Variants in ADD3 observed in about 807,000 individuals in gnomAD.
ADD3 encodes the protein gamma-adducin.
In ADD3, 25 loss-of-function variants were observed where a neutral mutation model predicts 80.2. The ratio of observed to expected loss-of-function variants is 0.31; its 90% CI spans 0.23 to 0.44. The LOEUF is 0.44. Among genes scored for constraint, ADD3 ranks in the 20% least tolerant of loss-of-function variants. The pLI is 1.00. For synonymous variants in ADD3, 284 were observed against 289.6 expected (o/e 0.98, Z 0.20); for missense variants, 829 against 847.5 (o/e 0.98, Z 0.27).
intron 1 of ADD3, among the ~76,000 whole-genome samples, chr10:110,023,018 T>C (rs1363095358): frequency 1.3e-5 from 2 of 152,188 alleles, no homozygotes; most frequent in African/African-American, 4.8e-5. Context: ...GGCACCTCTT[T>C]CAGTTGAGAA....
Position 110,117,376 on chromosome 10 carries a change from T to C in ADD3, c.521T>C (p.Ile174Thr), listed in dbSNP as rs370426959. The C allele has an allele frequency of 1.2e-6, 2 of 1,606,512 alleles. No homozygotes were observed. Among genetic ancestry groups the C allele is most frequent in the African/African-American group, 2.7e-5 (2 of 74,758 alleles). ...AGTAAGGAGCAAGACCACATTATAA[T>C]AATTCCCAGAGGCCTATCTTTTTCT... ...RISKEQDHIIIIPRGLSFSEA... is the reference protein window; with the variant it reads ...RISKEQDHIITIPRGLSFSEA... Residue 174 changes from isoleucine (I) to threonine (T), a missense_variant, in exon 5 of 15, where the codon ATA (isoleucine) becomes ACA (threonine). By Grantham distance (89) the Ile-to-Thr change is moderately conservative. Transcript: ENST00000356080.
At chr10:110,055,232 G>T (rs555785998) in intron 1 of ADD3, among the ~76,000 whole-genome samples, 8 of 152,240 alleles carry the variant, frequency 5.3e-5, no homozygotes, top group Non-Finnish European at 7.4e-5. Context: ...TGAACTTCTT[G>T]CCCGGGTGTT....
chr10:110,074,131 C>T (rs982507705), intron 1 of ADD3, among the ~76,000 whole-genome samples: 1 of 152,178 alleles, frequency 6.6e-6, no homozygotes, highest in Non-Finnish European at 1.5e-5. Flanking sequence ...TCCCCCAACC[C>T]GATATATCCT....
chr10:109,997,821 T>C (rs1851410209), intron 1 of ADD3, among the ~76,000 whole-genome samples: 1 of 152,228 alleles, frequency 6.6e-6, no homozygotes, highest in African/African-American at 2.4e-5. Context: ...AATGTGCAGC[T>C]TCCAGAGTGC....
At chr10:110,101,499 G>T (rs552268467) in intron 2 of ADD3, among the ~76,000 whole-genome samples, 2 of 152,006 alleles carry the variant, frequency 1.3e-5, no homozygotes, top group Non-Finnish European at 2.9e-5. Context: ...ACTGGGTGTG[G>T]TGGTGTGCAC....
chr10:110,129,150 C>CTG (rs1554845123), intron 12 of ADD3, among the ~76,000 whole-genome samples: 50 of 138,282 alleles, frequency 3.6e-4, no homozygotes, highest in African/African-American at 1.3e-3. Flanking sequence ...TTCTTTCTTT[C>CTG]TTTTTTTTTT....
Position 110,124,147 on chromosome 10 carries a change from T to C in ADD3, c.1274T>C (p.Leu425Pro). The C allele has an allele frequency of 1.2e-6, 2 of 1,614,128 alleles. No homozygotes were observed. The highest frequency in any genetic ancestry group is 4.5e-5 in the East Asian group (2 of 44,886). The change falls in exon 10 of 15, where the codon CTC (leucine) becomes CCC (proline). Residue 425 changes from leucine to proline, a missense_variant. Physicochemically the swap from Leu to Pro is moderately conservative, Grantham distance 98. Coordinates refer to ENST00000356080, the MANE Select transcript of ADD3 (RefSeq NM_016824.5). ...FEDDTVPLSP[L>P]KYMAQRQQRE... ...GACGATACAGTGCCACTCTCTCCTC[T>C]CAAATACATGGCACAGAGGCAACAG...
chr10:110,053,099 G>A (rs1275126432), intron 1 of ADD3, among the ~76,000 whole-genome samples: 1 of 152,138 alleles, frequency 6.6e-6, no homozygotes, highest in Non-Finnish European at 1.5e-5. Flanking sequence ...CAGCTTCCCA[G>A]TAGTACAGTA....
chr10:110,084,284 GT>G (rs1846426134), intron 1 of ADD3, among the ~76,000 whole-genome samples: 1 of 152,120 alleles, frequency 6.6e-6, no homozygotes, highest in Non-Finnish European at 1.5e-5. Flanking sequence ...CCAACAAAAT[GT>G]TTTGTATATT....
chr10:110,066,100 C>T (rs1333434792), intron 1 of ADD3, among the ~76,000 whole-genome samples: 1 of 152,070 alleles, frequency 6.6e-6, no homozygotes, highest in African/African-American at 2.4e-5. Context: ...TCATGTTTCT[C>T]TCTTGACTTG....
intron 1 of ADD3, among the ~76,000 whole-genome samples, chr10:110,014,357 A>T (rs1324362931): frequency 6.6e-6 from 1 of 152,216 alleles, no homozygotes; most frequent in East Asian, 1.9e-4. Context: ...GATTGGGCAT[A>T]AGTGCCTTGG....
At chr10:110,040,861 G>A (rs1056109741) in intron 1 of ADD3, among the ~76,000 whole-genome samples, 2 of 152,136 alleles carry the variant, frequency 1.3e-5, no homozygotes, top group African/African-American at 4.8e-5. Context: ...TTAAAGAAGT[G>A]CCTAATTTCT....
chr10:110,088,764 A>G (rs1054835819), intron 1 of ADD3, among the ~76,000 whole-genome samples: 2 of 151,996 alleles, frequency 1.3e-5, no homozygotes, highest in South Asian at 4.1e-4. Context: ...TTTTTTGTGT[A>G]TTTTCCTCCA....
chr10:110,044,899 T>A (rs1856758111), intron 1 of ADD3, among the ~76,000 whole-genome samples: 1 of 152,222 alleles, frequency 6.6e-6, no homozygotes, highest in Non-Finnish European at 1.5e-5. Context: ...GATTGCTATG[T>A]GCATTTGGCT....
chr10:110,121,692 G>A (rs548755486), intron 8 of ADD3, among the ~76,000 whole-genome samples: 165 of 152,338 alleles, frequency 1.1e-3, no homozygotes, highest in Non-Finnish European at 1.5e-3. Context: ...ATTAAATTAA[G>A]ATAATGAGCT....
At chr10:110,100,965 C>T in intron 2 of ADD3, 117 bp downstream of exon 2, 1 of 803,378 alleles carries the variant, frequency 1.2e-6, no homozygotes, top group Non-Finnish European at 1.9e-6. Context: ...GGAGTGGTGA[C>T]CAGTTGCTTC....
At chr10:110,017,011 A>G (rs1029143551) in intron 1 of ADD3, among the ~76,000 whole-genome samples, 1 of 152,170 alleles carries the variant, frequency 6.6e-6, no homozygotes, top group Non-Finnish European at 1.5e-5. Flanking sequence ...GTAATTACTT[A>G]ATTAGTAATC....
chr10:110,118,290 C>G (rs1010600416), intron 5 of ADD3, among the ~76,000 whole-genome samples: 19 of 152,168 alleles, frequency 1.2e-4, no homozygotes, highest in African/African-American at 4.6e-4. Flanking sequence ...CGATGAAGAG[C>G]TTAAGTTTCT....
chr10:110,051,054 G>A (rs1857460661), intron 1 of ADD3, among the ~76,000 whole-genome samples: 1 of 152,170 alleles, frequency 6.6e-6, no homozygotes, highest in Admixed American at 6.5e-5. Context: ...CACCATTCAA[G>A]GGGGAGAAAA....
Sources: allele counts gnomAD v4.1 joint callset (sites outside exome capture counted in the v4.1 genomes callset), GRCh38; gene constraint gnomAD v4.1.1; transcripts MANE v1.5; gene names NCBI Gene and HGNC (gene_info 2026-07-23, HGNC 2026-07-21).